The following STXBP6 variants were observed in gnomAD, a reference collection of about 807,000 sequenced individuals.
STXBP6 encodes syntaxin binding protein 6, also known as syntaxin-binding protein 6.
STXBP6 carries 21 observed loss-of-function variants against 26.9 expected under a neutral mutation model. The observed-to-expected ratio is 0.78, with a 90% CI of 0.55 to 1.12. The LOEUF (loss-of-function observed/expected upper bound fraction) is 1.12, where lower values mean the gene tolerates loss of function less well. STXBP6 is among the 50% of genes most tolerant of loss of function. The pLI, the probability that STXBP6 is intolerant of heterozygous loss-of-function variation, is 0.00. For synonymous variants in STXBP6, 97 were observed against 92.6 expected (o/e 1.05, Z -0.27); for missense variants, 232 against 257.9 (o/e 0.90, Z 0.69).
chr14:24,874,614 T>C (rs149473990), intron 2 of STXBP6, among the ~76,000 whole-genome samples: 24 of 152,280 alleles, frequency 1.6e-4, no homozygotes, highest in African/African-American at 5.8e-4. Flanking sequence ...GTCCATGTAT[T>C]GTCACAGGTA....
rs555839337 is a variant in STXBP6 at position 24,936,472 on chromosome 14, C to A, written c.154+38193G>T. On this transcript the variant is annotated intron_variant, in intron 2 of 5. Transcript: ENST00000323944. The stretch of plus-strand genomic sequence containing the variant: ...GAATGTGAAGAAAGAAATCTCTTCA[C>A]TTTGCAAATAAATCTATTCTTACAG... 2.0e-5 allele frequency among the ~76,000 whole-genome samples: 3 copies of A among 152,242 alleles called. No homozygotes were observed. In the South Asian group the frequency reaches 6.2e-4, roughly 32 times the overall value.
chr14:25,026,927 A>C (rs994753631), intron 1 of STXBP6, among the ~76,000 whole-genome samples: 1 of 152,370 alleles, frequency 6.6e-6, no homozygotes, highest in Non-Finnish European at 1.5e-5. Flanking sequence ...AAAGCAGTGA[A>C]TACACAGAGC....
At chr14:24,886,841 A>G (rs373589320) in intron 2 of STXBP6, among the ~76,000 whole-genome samples, 1 of 152,212 alleles carries the variant, frequency 6.6e-6, no homozygotes, top group African/African-American at 2.4e-5. Context: ...CCAGATTAAA[A>G]TCCAAGTTTC....
At chr14:24,884,841 T>C (rs1438276259) in intron 2 of STXBP6, among the ~76,000 whole-genome samples, 1 of 152,218 alleles carries the variant, frequency 6.6e-6, no homozygotes, top group East Asian at 1.9e-4. Flanking sequence ...TGCTGAATTA[T>C]AAAGCTCCTC....
At chr14:24,887,606 T>C (rs1407984947) in intron 2 of STXBP6, among the ~76,000 whole-genome samples, 2 of 152,222 alleles carry the variant, frequency 1.3e-5, no homozygotes, top group Non-Finnish European at 2.9e-5. Flanking sequence ...GAGAATGTGC[T>C]GATGTGAAAG....
At chr14:25,027,356 G>C (rs1177201653) in intron 1 of STXBP6, among the ~76,000 whole-genome samples, 1 of 152,144 alleles carries the variant, frequency 6.6e-6, no homozygotes, top group Admixed American at 6.5e-5. Context: ...ACAGTAATCT[G>C]TGATCAATGC....
chr14:24,878,385 G>A (rs1007014492), intron 2 of STXBP6, among the ~76,000 whole-genome samples: 9 of 151,936 alleles, frequency 5.9e-5, no homozygotes, highest in African/African-American at 2.2e-4. Flanking sequence ...ATGAAGTAGG[G>A]TCACGTATGC....
chr14:24,968,312 T>C (rs1234141970), intron 2 of STXBP6, among the ~76,000 whole-genome samples: 1 of 151,842 alleles, frequency 6.6e-6, no homozygotes, highest in African/African-American at 2.4e-5. Context: ...AACTTACCAC[T>C]GCTGAATAAA....
chr14:25,016,580 A>T (rs1446473400), intron 1 of STXBP6, among the ~76,000 whole-genome samples: 1 of 152,204 alleles, frequency 6.6e-6, no homozygotes, highest in African/African-American at 2.4e-5. Flanking sequence ...AAAGATCGTA[A>T]GAAATTCACA....
intron 2 of STXBP6, among the ~76,000 whole-genome samples, chr14:24,860,947 T>C (rs534251671): frequency 9.3e-4 from 142 of 152,192 alleles, no homozygotes; most frequent in African/African-American, 3.1e-3. Context: ...ATATTTGAGA[T>C]AGCTGAATAA....
chr14:24,909,429 G>T (rs1033872404), intron 2 of STXBP6, among the ~76,000 whole-genome samples: 31 of 152,144 alleles, frequency 2.0e-4, no homozygotes, highest in African/African-American at 7.2e-4. Context: ...TTTGGTCAAA[G>T]AATCAATTAT....
At chr14:24,886,796 A>AT (rs1487103002) in intron 2 of STXBP6, among the ~76,000 whole-genome samples, 1 of 152,216 alleles carries the variant, frequency 6.6e-6, no homozygotes, top group Non-Finnish European at 1.5e-5. Flanking sequence ...CAATAAAGCA[A>AT]TTGAGAAGGA....
At chr14:24,840,246 C>A (rs985890231) in intron 4 of STXBP6, among the ~76,000 whole-genome samples, 1 of 152,176 alleles carries the variant, frequency 6.6e-6, no homozygotes, top group African/African-American at 2.4e-5. Context: ...GCAGGAGATT[C>A]ATGGTACTGA....
chr14:25,029,617 A>T (rs963298452), intron 1 of STXBP6, among the ~76,000 whole-genome samples: 1 of 152,118 alleles, frequency 6.6e-6, no homozygotes, highest in African/African-American at 2.4e-5. Context: ...CTGCATATAA[A>T]TGTATTATTT....
At chr14:25,021,876 C>T (rs1296723881) in intron 1 of STXBP6, among the ~76,000 whole-genome samples, 2 of 152,190 alleles carry the variant, frequency 1.3e-5, no homozygotes, top group African/African-American at 4.8e-5. Context: ...TCATTTCCCT[C>T]TCAACGCTAT....
chr14:24,838,681 C>T (rs996692690), intron 4 of STXBP6, among the ~76,000 whole-genome samples: 2 of 148,764 alleles, frequency 1.3e-5, no homozygotes, highest in Admixed American at 1.3e-4. Context: ...GAGATCCCGT[C>T]TCAAAAAAAA....
intron 2 of STXBP6, among the ~76,000 whole-genome samples, chr14:24,970,749 T>C (rs576850358): frequency 3.3e-5 from 5 of 152,308 alleles, no homozygotes; most frequent in South Asian, 2.1e-4. Context: ...TGCCTAGGAA[T>C]GGGGTGCATG....
intron 1 of STXBP6, among the ~76,000 whole-genome samples, chr14:25,032,071 T>C (rs1046722719): frequency 4.6e-5 from 7 of 151,588 alleles, no homozygotes; most frequent in Non-Finnish European, 8.8e-5. Flanking sequence ...GTGACAGAGA[T>C]GGAAAAAATA....
At chr14:24,875,613 C>T (rs2070108864) in intron 2 of STXBP6, among the ~76,000 whole-genome samples, 1 of 152,142 alleles carries the variant, frequency 6.6e-6, no homozygotes, top group Admixed American at 6.5e-5. Context: ...CATAACTTTC[C>T]TAAATTCCCC....
Sources: gnomAD v4.1 joint callset for allele counts (sites outside exome capture counted in the v4.1 genomes callset) on GRCh38, gnomAD v4.1.1 for gene constraint, MANE v1.5 for transcripts, NCBI Gene and HGNC (gene_info 2026-07-23, HGNC 2026-07-21) for gene names.